EPB41L4B: variants seen among roughly 807,000 people sequenced by gnomAD.
EPB41L4B encodes erythrocyte membrane protein band 4.1 like 4B.
EPB41L4B carries 30 observed loss-of-function variants against 112.5 expected under a neutral mutation model. The observed-to-expected ratio is 0.27, with a 90% CI of 0.20 to 0.36. The LOEUF (loss-of-function observed/expected upper bound fraction) is 0.36. Ranked by LOEUF, EPB41L4B falls within the 10% of genes least tolerant of loss-of-function variation. The probability of loss-of-function intolerance (pLI) is 1.00; values close to 1 mark genes in which losing one functional copy is unlikely to be tolerated. For synonymous variants in EPB41L4B, 408 were observed against 439.7 expected (o/e 0.93, Z 0.90); for missense variants, 1,024 against 1,133.3 (o/e 0.90, Z 1.38).
rs543601470 is a variant in EPB41L4B at position 109,257,498 on chromosome 9, AG to A, written c.752+678del. ...TCAAATATGTATGTTCCTATACAAC[AG>A]GGTATATTTCTAAATTTAGGGCTTG... On this transcript the variant is annotated intron_variant, in intron 7 of 25. Transcript: ENST00000374566. Among the ~76,000 whole-genome samples, 225 of 152,306 alleles carry A rather than the reference AG, an allele frequency of 1.5e-3. 1 individual carries two copies. Among genetic ancestry groups the A allele is most frequent in the African/African-American group, 5.2e-3 (216 of 41,570 alleles).
Position 109,207,986 on chromosome 9 carries a change from C to T in EPB41L4B, c.1816G>A (p.Asp606Asn), listed in dbSNP as rs759770383. The change falls in exon 18 of 26, where the codon GAT becomes AAT. Residue 606 changes from aspartate to asparagine, a missense_variant. Asp to Asn is a conservative substitution (Grantham distance 23). Transcript: ENST00000374566. ...TTCAGAATGTTACACTTCACATGATCCGCAACAGGGGAAGGCAAAAGTGGA... is the reference window on the plus strand; with the variant it reads ...TTCAGAATGTTACACTTCACATGATTCGCAACAGGGGAAGGCAAAAGTGGA... Reference protein sequence around the residue: ...QTPLLPSPVADHVKCNILKAQ... With the variant: ...QTPLLPSPVANHVKCNILKAQ... 3 of 1,614,092 alleles carry T rather than the reference C, an allele frequency of 1.9e-6. No homozygotes were observed. Among genetic ancestry groups the T allele is most frequent in the Non-Finnish European group, 1.7e-6 (2 of 1,180,056 alleles).
chr9:109,226,607 CATATAT>C (rs3081622), intron 15 of EPB41L4B, among the ~76,000 whole-genome samples: 4 of 90,828 alleles, frequency 4.4e-5, no homozygotes, highest in Admixed American at 2.7e-4. Context: ...TTGGATTTTT[CATATAT>C]ATATATATAT....
chr9:109,300,781 G>A (rs895315637), intron 1 of EPB41L4B: 1 of 152,022 alleles, frequency 6.6e-6, no homozygotes, highest in Non-Finnish European at 1.5e-5. Flanking sequence ...GCAAGACTTT[G>A]TCTCAAAAAC....
intron 24 of EPB41L4B, among the ~76,000 whole-genome samples, chr9:109,178,069 G>C (rs935279976): frequency 4.0e-5 from 6 of 151,752 alleles, no homozygotes; most frequent in Non-Finnish European, 5.9e-5. Flanking sequence ...ACAGGTGCGT[G>C]CCATGCCTGG....
In EPB41L4B at chr9:109,172,901, GA is replaced by G. The variant is rs1394925626; in HGVS notation, c.*1652del. The G allele has an allele frequency of 2.0e-5, 3 of 152,706 alleles. No homozygotes were observed. The highest frequency in any genetic ancestry group is 2.1e-4 in the South Asian group (1 of 4,824). The allele number at this position is 152,706 out of a possible 1,614,324, so 9.5% of individuals were successfully genotyped here. ...TATTGGCACCATTCAGTTTTAAGGA[GA>G]GGGGCAGGAGAGCAAACTATACAAT... On this transcript the variant is annotated 3_prime_UTR_variant, in exon 26 of 26. Coordinates refer to ENST00000374566, the MANE Select transcript of EPB41L4B (RefSeq NM_019114.5).
At chr9:109,200,584 A>G (rs1490808686) in intron 19 of EPB41L4B, among the ~76,000 whole-genome samples, 1 of 152,184 alleles carries the variant, frequency 6.6e-6, no homozygotes, top group Non-Finnish European at 1.5e-5. Context: ...AACATAATTG[A>G]GGTACAAAAT....
rs111738015 is a variant in EPB41L4B at position 109,284,756 on chromosome 9, T to C, written c.307-4835A>G. On this transcript the variant is annotated intron_variant, in intron 1 of 25. Transcript: ENST00000374566. Reference sequence around the variant, plus strand: ...CTTCTGGCAGTTGTCAGAGACCAAATACAATTTCTTAAAAATCACCATTCT... The same window carrying C: ...CTTCTGGCAGTTGTCAGAGACCAAACACAATTTCTTAAAAATCACCATTCT... Among the ~76,000 whole-genome samples the C allele has an allele frequency of 1.5e-3, 223 of 152,320 alleles. 1 individual carries two copies. Among genetic ancestry groups the C allele is most frequent in the African/African-American group, 4.0e-3 (167 of 41,554 alleles).
intron 15 of EPB41L4B, among the ~76,000 whole-genome samples, chr9:109,221,494 G>A (rs545209559): frequency 1.2e-4 from 18 of 152,144 alleles, no homozygotes; most frequent in African/African-American, 3.1e-4. Context: ...CCTTGCTGCC[G>A]CCAGCTTATT....
chr9:109,186,190 T>C (rs1389804796), intron 22 of EPB41L4B, among the ~76,000 whole-genome samples: 1 of 151,960 alleles, frequency 6.6e-6, no homozygotes, highest in Non-Finnish European at 1.5e-5. Context: ...AACATATCGT[T>C]TCATTTCCCT....
At chr9:109,237,229 C>G (rs115066268) in intron 15 of EPB41L4B, among the ~76,000 whole-genome samples, 1 of 152,174 alleles carries the variant, frequency 6.6e-6, no homozygotes, top group Admixed American at 6.5e-5. Context: ...CCATCTTCAA[C>G]AGAAATGGTA....
chr9:109,241,601 A>C (rs1456933754), intron 15 of EPB41L4B: 11 of 1,604,590 alleles, frequency 6.9e-6, no homozygotes, highest in Admixed American at 5.0e-5. Flanking sequence ...TGAGGCCAAG[A>C]CACTTTTCAT....
At chr9:109,245,581 A>C (rs1374729545) in intron 14 of EPB41L4B, among the ~76,000 whole-genome samples, 1 of 152,218 alleles carries the variant, frequency 6.6e-6, no homozygotes, top group Non-Finnish European at 1.5e-5. Flanking sequence ...GGACAGTCCC[A>C]AACAATGAAG....
At chr9:109,194,025 A>G (rs1245570163) in intron 21 of EPB41L4B, among the ~76,000 whole-genome samples, 195 bp downstream of exon 21, 1 of 152,134 alleles carries the variant, frequency 6.6e-6, no homozygotes, top group Non-Finnish European at 1.5e-5. Flanking sequence ...TATTTCACTC[A>G]TTGTCTCACA....
At chr9:109,194,091 C>T (rs1458713754) in intron 21 of EPB41L4B, 129 bp downstream of exon 21, 3 of 961,002 alleles carry the variant, frequency 3.1e-6, no homozygotes, top group South Asian at 2.0e-5. Context: ...CTGGTTGTTG[C>T]TGTTGTTTTA....
intron 1 of EPB41L4B, among the ~76,000 whole-genome samples, chr9:109,286,585 T>C (rs1041523982): frequency 2.0e-5 from 3 of 152,232 alleles, no homozygotes; most frequent in Non-Finnish European, 4.4e-5. Flanking sequence ...TCTCCCTCTC[T>C]GTGACGAATT....
chr9:109,306,451 T>C (rs1261287742), intron 1 of EPB41L4B, among the ~76,000 whole-genome samples: 1 of 151,972 alleles, frequency 6.6e-6, no homozygotes, highest in African/African-American at 2.4e-5. Flanking sequence ...CCGTCTCTAT[T>C]AAAAATACAA....
At chr9:109,229,817 G>A (rs1833897286) in intron 15 of EPB41L4B, among the ~76,000 whole-genome samples, 1 of 152,172 alleles carries the variant, frequency 6.6e-6, no homozygotes, top group Non-Finnish European at 1.5e-5. Context: ...GGCAGGACAT[G>A]GGGAGCCTGG....
intron 1 of EPB41L4B, chr9:109,307,227 C>CTT (rs200080250): frequency 7.6e-5 from 31 of 406,124 alleles, no homozygotes; most frequent in East Asian, 1.9e-4. Flanking sequence ...TAAATTTTTC[C>CTT]TTTTTTTTTT....
chr9:109,213,190 A>G (rs182910288), intron 17 of EPB41L4B, among the ~76,000 whole-genome samples: 3 of 152,356 alleles, frequency 2.0e-5, no homozygotes, highest in Admixed American at 2.0e-4. Flanking sequence ...CAGCAGTGGT[A>G]TGTATCGTTC....
Sources: allele counts gnomAD v4.1 joint callset (sites outside exome capture counted in the v4.1 genomes callset), GRCh38; gene constraint gnomAD v4.1.1; transcripts MANE v1.5; gene names NCBI Gene and HGNC (gene_info 2026-07-23, HGNC 2026-07-21).